The following ELOA variants were observed in gnomAD, a reference collection of about 807,000 sequenced individuals.
ELOA encodes elongin-A.
A neutral mutation model predicts 85.2 loss-of-function variants in ELOA; 15 were observed. The ratio of observed to expected loss-of-function variants is 0.18; its 90% CI spans 0.12 to 0.27. The LOEUF is 0.27. Among genes scored for constraint, ELOA ranks in the 10% least tolerant of loss-of-function variants. The pLI is 1.00. For synonymous variants in ELOA, 348 were observed against 357.2 expected (o/e 0.97, Z 0.29); for missense variants, 769 against 952.7 (o/e 0.81, Z 2.54).
chr1:23,748,262 A>T (rs1644755120), intron 1 of ELOA, among the ~76,000 whole-genome samples: 1 of 152,208 alleles, frequency 6.6e-6, no homozygotes, highest in Non-Finnish European at 1.5e-5. Flanking sequence ...TATTTTGCAG[A>T]TGAAGTAACT....
Position 23,761,315 on chromosome 1 carries a change from G to C in ELOA, c.*1742G>C, listed in dbSNP as rs1172627904. ...GGAAGCCTCTTAACTGAAACCAAAT[G>C]AACATTTGGGTCAGGTGCCAGATGT... On this transcript the variant is annotated 3_prime_UTR_variant, in exon 11 of 11. Transcript: ENST00000613537. 1 of 152,080 alleles carries C rather than the reference G, an allele frequency of 6.6e-6. No homozygotes were observed. The highest frequency in any genetic ancestry group is 6.6e-5 in the Admixed American group (1 of 15,266). The allele number at this position is 152,080 out of a possible 1,614,324, so 9.4% of individuals were successfully genotyped here. A position where few individuals can be genotyped will look rare whatever the true frequency, so the allele number is the denominator to read the frequency against.
rs1465139557 is a variant in ELOA, at chr1:23,750,729, G to A, written c.240-116G>A. On this transcript the variant is annotated intron_variant, in intron 3 of 10. Coordinates refer to ENST00000613537, the MANE Select transcript of ELOA (RefSeq NM_003198.3). ...CATAACCTACTTATCTTCTTCTTAA[G>A]ACCTTGTTGTTTCTAACTCTGCATC... 1.9e-5 allele frequency: 19 copies of A among 1,008,100 alleles called. No individual in the cohort carries two copies. In the East Asian group the frequency reaches 5.1e-4, roughly 27 times the overall value. 62.4% of individuals were successfully genotyped at this position (1,008,100 alleles called of 1,614,324 possible).
At chr1:23,752,293 C>A in intron 4 of ELOA, 114 bp from the exon 5 acceptor site, 1 of 1,056,470 alleles carries the variant, frequency 9.5e-7, no homozygotes, top group Non-Finnish European at 1.4e-6. Context: ...TGGCCCCCTC[C>A]AACCTGGATC....
intron 7 of ELOA, 104 bp from the exon 8 acceptor site, chr1:23,755,739 C>T: frequency 8.5e-7 from 1 of 1,175,312 alleles, no homozygotes; most frequent in South Asian, 1.7e-5. Flanking sequence ...AAAATTGCAC[C>T]ACTGCACTGC....
intron 7 of ELOA, among the ~76,000 whole-genome samples, chr1:23,754,704 C>G (rs1430505554): frequency 5.3e-5 from 8 of 152,174 alleles, no homozygotes; most frequent in Non-Finnish European, 1.2e-4. Flanking sequence ...AAACACTTAA[C>G]ATCTCCCTTG....
intron 5 of ELOA, 96 bp from the exon 6 acceptor site, chr1:23,754,004 A>T: frequency 6.9e-7 from 1 of 1,448,112 alleles, no homozygotes. Flanking sequence ...TGTAGCGTGG[A>T]TTGCCATTGG....
Position 23,751,016 on chromosome 1 carries a change from G to C in ELOA, c.411G>C (p.Ser137=), listed in dbSNP as rs1172003885. Residue 137 remains serine (S), a synonymous_variant, in exon 4 of 11, where the codon TCG becomes TCC. Coordinates refer to ENST00000613537, the MANE Select transcript of ELOA (RefSeq NM_003198.3). ...DHRQKKHRKL[S]ELERPHKVSH... is the part of the protein sequence containing the mutation. ...GGCAGAAGAAACATAGGAAACTCTC[G>C]GAGCTCGAGAGACCTCACAAAGTGT... The C allele has an allele frequency of 1.2e-6, 2 of 1,614,008 alleles. No individual in the cohort carries two copies. Among genetic ancestry groups the C allele is most frequent in the Admixed American group, 3.3e-5 (2 of 60,004 alleles).
At chr1:23,757,368 G>A (rs1055944437) in intron 10 of ELOA, among the ~76,000 whole-genome samples, 3 of 152,166 alleles carry the variant, frequency 2.0e-5, no homozygotes, top group Non-Finnish European at 4.4e-5. Context: ...CACTTTGGCA[G>A]GCTGAGGCAG....
chr1:23,747,793 G>C (rs1027641130), intron 1 of ELOA, among the ~76,000 whole-genome samples: 5 of 152,288 alleles, frequency 3.3e-5, no homozygotes, highest in East Asian at 1.9e-4. Context: ...CAATTGCTCT[G>C]TCTGGTGACC....
chr1:23,752,003 T>C lies in ELOA; in HGVS notation c.1398T>C (p.Ala466=). The stretch of plus-strand genomic sequence containing the variant: ...ACAAAACCAAGTCAGAGAAGCCGGC[T>C]GGAGCTGATTTAGCCAAGCTGAGAA... The part of the protein sequence containing the change: ...KVNKTKSEKP[A]GADLAKLRKV... Residue 466 remains alanine (A), a synonymous_variant, in exon 4 of 11, where the codon GCT becomes GCC. Coordinates refer to ENST00000613537, the MANE Select transcript of ELOA (RefSeq NM_003198.3). The C allele has an allele frequency of 6.2e-7, 1 of 1,602,934 alleles. No homozygotes were observed. Among genetic ancestry groups the C allele is most frequent in the Non-Finnish European group, 8.5e-7 (1 of 1,177,236 alleles).
At chr1:23,753,317 G>A (rs767647228) in intron 5 of ELOA, among the ~76,000 whole-genome samples, 4 of 152,146 alleles carry the variant, frequency 2.6e-5, no homozygotes, top group Non-Finnish European at 5.9e-5. Flanking sequence ...TATATATTGT[G>A]TAAATGGGAG....
chr1:23,759,302 T>A (rs1403568905), intron 10 of ELOA, among the ~76,000 whole-genome samples: 1 of 152,206 alleles, frequency 6.6e-6, no homozygotes, highest in African/African-American at 2.4e-5. Flanking sequence ...TTAGAGAGAG[T>A]GGTGGTCATG....
chr1:23,756,171 C>A, intron 8 of ELOA, 103 bp from the exon 9 acceptor site: 1 of 1,422,002 alleles, frequency 7.0e-7, no homozygotes, highest in South Asian at 1.4e-5. Context: ...CCCATTCTAC[C>A]CTACAAGTGG....
At chr1:23,748,849 T>C (rs371477102) in intron 1 of ELOA, among the ~76,000 whole-genome samples, 172 bp from the exon 2 acceptor site, 88 of 152,310 alleles carry the variant, frequency 5.8e-4, no homozygotes, top group African/African-American at 1.9e-3. Flanking sequence ...ACAAGAAACA[T>C]AACTTTTATG....
In ELOA at chr1:23,750,091, A is replaced by G. The variant is rs1037968472; in HGVS notation, c.239+143A>G. The G allele has an allele frequency of 1.6e-5, 9 of 561,800 alleles. No individual in the cohort carries two copies. In the African/African-American group the frequency reaches 1.7e-4, roughly 11 times the overall value. 34.8% of individuals were successfully genotyped at this position (561,800 alleles called of 1,614,324 possible). ...TAATCCATGATCATTGTAGAATATT[A>G]GAAAATATTAAAAATAGAAATCAAA... On this transcript the variant is annotated intron_variant, in intron 3 of 10. Transcript: ENST00000613537.
In ELOA at chr1:23,751,381, G is replaced by GTGA. The variant is rs1248512040; in HGVS notation, c.780_782dup (p.Asp260dup). ...GACAAACGCCCCGTGGATGCCAAGA[G>GTGA]TGATGAGAAGGCCTCTGTGGTGAGC... On this transcript the variant is annotated inframe_insertion, in exon 4 of 11. Transcript: ENST00000613537. 1 of 1,614,090 alleles carries GTGA rather than the reference G, an allele frequency of 6.2e-7. No individual in the cohort carries two copies. The highest frequency in any genetic ancestry group is 1.7e-5 in the Admixed American group (1 of 60,012).
In ELOA at chr1:23,751,486, C is replaced by T. The variant is rs772069358; in HGVS notation, c.881C>T (p.Pro294Leu). 2 of 1,614,030 alleles carry T rather than the reference C, an allele frequency of 1.2e-6. No homozygotes were observed. The highest frequency in any genetic ancestry group is 8.5e-7 in the Non-Finnish European group (1 of 1,180,034). ...PSGDNAREKP[P>L]SSGVKKEKDR... ...GGGGACAATGCAAGGGAGAAACCGCCCTCTAGTGGCGTAAAGAAAGAGAAG... is the reference window on the plus strand; with the variant it reads ...GGGGACAATGCAAGGGAGAAACCGCTCTCTAGTGGCGTAAAGAAAGAGAAG... The change falls in exon 4 of 11, where the codon CCC (proline) becomes CTC (leucine). Residue 294 changes from proline to leucine, a missense_variant. Pro to Leu is a moderately conservative substitution (Grantham distance 98). Around this residue, in one of 4 missense-constraint regions of ELOA, gnomAD observed 440 missense variants for 474.0 expected, o/e 0.93. Coordinates refer to ENST00000613537, the MANE Select transcript of ELOA (RefSeq NM_003198.3).
Position 23,751,969 on chromosome 1 carries a change from C to T in ELOA, c.1364C>T (p.Pro455Leu). Residue 455 changes from proline to leucine, a missense_variant, in exon 4 of 11, where the codon CCC becomes CTC. Physicochemically the swap from Pro to Leu is moderately conservative, Grantham distance 98. This residue lies in a region of ELOA where 193 missense variants were observed against 278.9 expected (regional missense o/e 0.69). Transcript: ENST00000613537. ...GKNLDSVQKL[P>L]KVNKTKSEKP... is the part of the protein sequence containing the mutation. Reference sequence around the variant, plus strand: ...AACTTGGACTCAGTTCAGAAATTACCCAAGGTGAACAAAACCAAGTCAGAG... The same window carrying T: ...AACTTGGACTCAGTTCAGAAATTACTCAAGGTGAACAAAACCAAGTCAGAG... 6.2e-7 allele frequency: 1 copy of T among 1,609,334 alleles called. No individual in the cohort carries two copies. The highest frequency in any genetic ancestry group is 1.7e-5 in the Admixed American group (1 of 58,684).
Position 23,754,038 on chromosome 1 carries a change from G to T in ELOA, c.1538-62G>T, listed in dbSNP as rs976607513. 1.5e-5 allele frequency: 23 copies of T among 1,574,452 alleles called. No individual in the cohort carries two copies. In the South Asian group the frequency reaches 2.1e-4, roughly 14 times the overall value. On this transcript the variant is annotated intron_variant, in intron 5 of 10. Transcript: ENST00000613537. Reference sequence around the variant, plus strand: ...GGGAAAGGGAAGTAGGAGGCTGAAGGGGGTAGAAGGAGAGTTTTCACTGGA... The same window carrying T: ...GGGAAAGGGAAGTAGGAGGCTGAAGTGGGTAGAAGGAGAGTTTTCACTGGA...
Sources: allele counts gnomAD v4.1 joint callset (sites outside exome capture counted in the v4.1 genomes callset), GRCh38; gene constraint gnomAD v4.1.1; regional missense constraint gnomAD v4.1.1; transcripts MANE v1.5; gene names NCBI Gene and HGNC (gene_info 2026-07-23, HGNC 2026-07-21).